Variants in DIS3L2 observed in about 807,000 individuals in gnomAD.
DIS3L2 encodes DIS3-like exonuclease 2.
DIS3L2 carries 34 observed loss-of-function variants against 97.5 expected under a neutral mutation model. That is an observed-to-expected ratio of 0.35 (90% CI 0.27 to 0.46). DIS3L2 has a LOEUF of 0.46. Ranked by LOEUF, DIS3L2 falls within the 20% of genes least tolerant of loss-of-function variation. DIS3L2 has a pLI of 1.00. For missense variants in DIS3L2, 1,038 were observed against 1,146.0 expected, an observed-to-expected ratio of 0.91 and a Z score of 1.36; for synonymous variants, 435 against 445.2, an observed-to-expected ratio of 0.98 and a Z score of 0.29.
intron 9 of DIS3L2, among the ~76,000 whole-genome samples, chr2:232,195,182 G>T (rs1691719320): frequency 6.6e-6 from 1 of 152,088 alleles, no homozygotes. Context: ...AAATTACAAA[G>T]TCATACTCAA....
chr2:232,208,102 T>C (rs1014238399), intron 9 of DIS3L2, among the ~76,000 whole-genome samples: 1 of 152,222 alleles, frequency 6.6e-6, no homozygotes, highest in Admixed American at 6.5e-5. Flanking sequence ...AACATTAAAA[T>C]TGACCTTCTT....
intron 16 of DIS3L2, 63 bp from the exon 17 acceptor site, chr2:232,333,776 CA>C: frequency 1.1e-5 from 17 of 1,528,190 alleles, no homozygotes; most frequent in South Asian, 6.3e-5. Context: ...TGGGTGGTGC[CA>C]GCCTTCCAGG....
rs866926882 is a variant in DIS3L2 at position 232,335,785 on chromosome 2, C to T, written c.2407C>T (p.Arg803Trp). The change falls in exon 20 of 21, where the codon CGG becomes TGG. Residue 803 changes from arginine (R) to tryptophan (W), a missense_variant. Around this residue, in one of 3 missense-constraint regions of DIS3L2, gnomAD observed 221 missense variants for 246.9 expected, o/e 0.90. Transcript: ENST00000325385. ...KRIYCNALAL[R>W]SHHFQKVGKK... ...GTTTGCACTCCAGGCACTGGCCCTG[C>T]GGTCCCACCACTTCCAGAAGGTGGG... 8.4e-6 allele frequency: 13 copies of T among 1,550,492 alleles called. No homozygotes were observed. Among genetic ancestry groups the T allele is most frequent in the African/African-American group, 6.8e-5 (5 of 73,172 alleles).
rs765659523 is a variant in DIS3L2, at chr2:232,208,404, G to A, written c.1125-1922G>A. ...TGGCTCGCTGCAACCGCCACCTCCC[G>A]GGTTCAAACAATTTTCCTGTCTCAG... On this transcript the variant is annotated intron_variant, in intron 9 of 20. Coordinates refer to ENST00000325385, the MANE Select transcript of DIS3L2 (RefSeq NM_152383.5). 4.0e-5 allele frequency among the ~76,000 whole-genome samples: 6 copies of A among 150,996 alleles called. No individual in the cohort carries two copies. The East Asian group carries it at 6.0e-4, about 15-fold the overall frequency.
intron 9 of DIS3L2, among the ~76,000 whole-genome samples, chr2:232,204,984 T>G (rs532705873): frequency 1.3e-5 from 2 of 152,148 alleles, no homozygotes; most frequent in Non-Finnish European, 2.9e-5. Context: ...TCTCCCAATT[T>G]TCCATAGTGA....
At chr2:232,186,534 G>T (rs1171163146) in intron 9 of DIS3L2, among the ~76,000 whole-genome samples, 1 of 152,092 alleles carries the variant, frequency 6.6e-6, no homozygotes, top group Non-Finnish European at 1.5e-5. Context: ...CAATAGGAGA[G>T]AACATTTCCC....
intron 5 of DIS3L2, among the ~76,000 whole-genome samples, chr2:232,043,085 C>G (rs1160533883): frequency 1.3e-5 from 2 of 152,216 alleles, no homozygotes; most frequent in Non-Finnish European, 2.9e-5. Flanking sequence ...TTTGAGTCAT[C>G]TGCACTGCTG....
intron 12 of DIS3L2, among the ~76,000 whole-genome samples, chr2:232,261,440 C>T (rs150700475): frequency 3.6e-3 from 549 of 152,326 alleles, no homozygotes; most frequent in Non-Finnish European, 5.5e-3. Context: ...CCTCCGCTTC[C>T]GATGCCCCCA....
At chr2:232,211,066 A>AGAAAAAATGTGTAGGAT (rs1692175803) in intron 10 of DIS3L2, among the ~76,000 whole-genome samples, 1 of 152,072 alleles carries the variant, frequency 6.6e-6, no homozygotes, top group Admixed American at 6.6e-5. Flanking sequence ...TGACTCTCAA[A>AGAAAAAATGTGTAGGAT]GAAAAAATGT....
chr2:232,117,198 G>C (rs1167429568), intron 6 of DIS3L2, among the ~76,000 whole-genome samples: 1 of 152,168 alleles, frequency 6.6e-6, no homozygotes, highest in African/African-American at 2.4e-5. Context: ...GTGGGGCCAG[G>C]ATCCAAACCT....
chr2:232,087,736 A>T lies in DIS3L2; in HGVS notation c.601+15A>T, dbSNP rs200519492. The stretch of plus-strand genomic sequence containing the variant: ...TTCTGAGAAAGGTGAGTACTAGACT[A>T]TTGTCTTACTTTTTTTTTAAGTACA... On this transcript the variant is annotated intron_variant, in intron 6 of 20. Coordinates refer to ENST00000325385, the MANE Select transcript of DIS3L2 (RefSeq NM_152383.5). 6.3e-7 allele frequency: 1 copy of T among 1,594,232 alleles called. No individual in the cohort carries two copies. Among genetic ancestry groups the T allele is most frequent in the African/African-American group, 1.3e-5 (1 of 74,614 alleles).
chr2:232,203,762 G>A (rs1010055631), intron 9 of DIS3L2, among the ~76,000 whole-genome samples: 3 of 152,226 alleles, frequency 2.0e-5, no homozygotes, highest in African/African-American at 7.2e-5. Context: ...GGCGCATGGG[G>A]GAGAGATAGC....
At chr2:232,129,569 G>A (rs998919781) in intron 6 of DIS3L2, among the ~76,000 whole-genome samples, 1 of 152,216 alleles carries the variant, frequency 6.6e-6, no homozygotes, top group Non-Finnish European at 1.5e-5. Context: ...ACTTCAGTAG[G>A]TAGATTTCAG....
rs1559512390 is a variant in DIS3L2, at chr2:231,981,601, TATA to T, written c.-94+19837_-94+19839del. Among the ~76,000 whole-genome samples the T allele has an allele frequency of 1.9e-3, 133 of 69,148 alleles. 1 individual carries two copies. Among genetic ancestry groups the T allele is most frequent in the African/African-American group, 8.9e-3 (121 of 13,616 alleles). The allele number at this position is 69,148 out of a possible 152,430, so 45.4% of individuals were successfully genotyped here. ...TAATGTTATACTGTTAAGTATTTTA[TATA>T]TATATATATATATATATATATATAT... is the stretch of plus-strand genomic sequence containing the variant. On this transcript the variant is annotated intron_variant, in intron 1 of 20. Coordinates refer to ENST00000325385, the MANE Select transcript of DIS3L2 (RefSeq NM_152383.5).
At chr2:232,070,796 G>A (rs1476130858) in intron 5 of DIS3L2, among the ~76,000 whole-genome samples, 1 of 152,124 alleles carries the variant, frequency 6.6e-6, no homozygotes, top group Non-Finnish European at 1.5e-5. Context: ...TGTTGGCCAG[G>A]ATGGTCTCGA....
chr2:232,208,980 C>CA (rs761334246), intron 9 of DIS3L2, among the ~76,000 whole-genome samples: 135 of 149,136 alleles, frequency 9.1e-4, no homozygotes, highest in South Asian at 1.5e-3. Flanking sequence ...GTGAGCCATA[C>CA]AAAAAAAAAG....
At chr2:232,259,585 G>A (rs572625651) in intron 12 of DIS3L2, among the ~76,000 whole-genome samples, 1 of 152,152 alleles carries the variant, frequency 6.6e-6, no homozygotes, top group East Asian at 1.9e-4. Flanking sequence ...ATATTTCAGG[G>A]AGGAGGGCCT....
At chr2:232,343,347 G>C in exon 14 of DIS3L2, 4 of 1,556,128 alleles carry the variant, frequency 2.6e-6, no homozygotes, top group Non-Finnish European at 3.5e-6. Flanking sequence ...GGGCCCAGCA[G>C]AACGCAGACA....
chr2:232,071,782 C>G (rs1035354232), intron 5 of DIS3L2, among the ~76,000 whole-genome samples: 9 of 152,166 alleles, frequency 5.9e-5, no homozygotes, highest in African/African-American at 1.9e-4. Context: ...TCAAGCAGTC[C>G]TCCACCTTGG....
Sources: gnomAD v4.1 joint callset for allele counts (sites outside exome capture counted in the v4.1 genomes callset) on GRCh38, gnomAD v4.1.1 for gene constraint, gnomAD v4.1.1 regional missense constraint, MANE v1.5 for transcripts, NCBI Gene and HGNC (gene_info 2026-07-23, HGNC 2026-07-21) for gene names.